MPDZ: variants seen among roughly 807,000 people sequenced by gnomAD.
MPDZ encodes multiple PDZ domain crumbs cell polarity complex component, also known as multiple PDZ domain protein.
In MPDZ, 234 loss-of-function variants were observed where a neutral mutation model predicts 239.1. That is an observed-to-expected ratio of 0.98 (90% CI 0.88 to 1.09). MPDZ has a LOEUF of 1.09. Ranked by LOEUF, MPDZ falls within the 50% of genes least tolerant of loss-of-function variation. The pLI is 0.00. For synonymous variants in MPDZ, 1,048 were observed against 881.3 expected (o/e 1.19, Z -3.35); for missense variants, 3,175 against 2,510.0 (o/e 1.26, Z -5.66).
At chr9:13,144,774 C>T (rs1003452758) in intron 26 of MPDZ, among the ~76,000 whole-genome samples, 1 of 152,092 alleles carries the variant, frequency 6.6e-6, no homozygotes, top group African/African-American at 2.4e-5. Context: ...GACATTTCTG[C>T]TCATCTCAAC....
intron 10 of MPDZ, among the ~76,000 whole-genome samples, chr9:13,207,122 A>G (rs1393265297): frequency 6.6e-6 from 1 of 152,204 alleles, no homozygotes; most frequent in Non-Finnish European, 1.5e-5. Flanking sequence ...TCACAAGGTC[A>G]TATTTATATG....
chr9:13,255,070 T>C (rs1969103310), intron 1 of MPDZ, among the ~76,000 whole-genome samples: 2 of 152,238 alleles, frequency 1.3e-5, no homozygotes, highest in Admixed American at 1.3e-4. Context: ...ACTAAGGTTA[T>C]GTAATAGCCT....
At chr9:13,127,253 T>C (rs1363991806) in intron 32 of MPDZ, among the ~76,000 whole-genome samples, 3 of 152,188 alleles carry the variant, frequency 2.0e-5, no homozygotes, top group Non-Finnish European at 2.9e-5. Context: ...ATGCAGACTC[T>C]GTCCTTTTGG....
At position 13,217,223 on chromosome 9, in the gene MPDZ, T is replaced by A. The variant is rs746048216; in HGVS notation, c.1158A>T (p.Gly386=). 1.2e-6 allele frequency: 2 copies of A among 1,603,840 alleles called. No homozygotes were observed. The highest frequency in any genetic ancestry group is 2.7e-5 in the African/African-American group (2 of 74,582). ...FDVELTKNVQ[G]LGITIAGYIG... is the part of the protein sequence containing the mutation. ...TGTAGCCAGCAATGGTAATTCCTAA[T>A]CCTTGGACATTTTTAGTGAGTTCTA... The change falls in exon 9 of 47, where the codon GGA becomes GGT. Residue 386 remains glycine, a synonymous_variant. Transcript: ENST00000319217.
chr9:13,272,977 T>A (rs1973350703), intron 1 of MPDZ, among the ~76,000 whole-genome samples: 2 of 152,102 alleles, frequency 1.3e-5, no homozygotes, highest in African/African-American at 4.8e-5. Flanking sequence ...GTGGGGTCTT[T>A]GGGAGGCAAT....
chr9:13,115,184 G>C lies in MPDZ; in HGVS notation c.5466+64C>G, dbSNP rs1943192678. ...ACCTTGTACACAGACCCACAGTCAG[G>C]GCCATCTATGTGTCCTCTTGGCATG... is the stretch of plus-strand genomic sequence containing the variant. On this transcript the variant is annotated intron_variant, in intron 40 of 46. Transcript: ENST00000319217. 2.9e-6 allele frequency: 4 copies of C among 1,391,726 alleles called. No homozygotes were observed. The Middle Eastern group carries it at 7.1e-4, about 246-fold the overall frequency. 86.2% of individuals were successfully genotyped at this position (1,391,726 alleles called of 1,614,324 possible).
chr9:13,249,926 A>T (rs954047301), intron 2 of MPDZ, among the ~76,000 whole-genome samples: 2 of 152,220 alleles, frequency 1.3e-5, no homozygotes, highest in African/African-American at 4.8e-5. Flanking sequence ...ACCTGCCAGA[A>T]GTAAAAGTAA....
At position 13,224,419 on chromosome 9, in the gene MPDZ, T is replaced by C. The variant is rs1056107549; in HGVS notation, c.348A>G (p.Lys116=). 1.2e-6 allele frequency: 2 copies of C among 1,612,676 alleles called. No individual in the cohort carries two copies. Among genetic ancestry groups the C allele is most frequent in the African/African-American group, 1.3e-5 (1 of 74,844 alleles). The change falls in exon 4 of 47, where the codon AAA becomes AAG. Residue 116 remains lysine (K), a synonymous_variant. Coordinates refer to ENST00000319217, the MANE Select transcript of MPDZ (RefSeq NM_001378778.1). ...TGPGIPHING[K]PACDEFDQLI... is the part of the protein sequence containing the mutation. ...GCTGATCAAATTCATCACAAGCAGG[T>C]TTCCCATTAATGTGTGGAATACCAG...
intron 18 of MPDZ, among the ~76,000 whole-genome samples, chr9:13,184,537 T>C (rs1419873771): frequency 6.6e-6 from 1 of 151,928 alleles, no homozygotes; most frequent in Non-Finnish European, 1.5e-5. Flanking sequence ...TTTGAAGTGA[T>C]TTTCTCTTCA....
intron 15 of MPDZ, 49 bp downstream of exon 15, chr9:13,192,082 G>A (rs1175777604): frequency 3.5e-6 from 5 of 1,422,628 alleles, no homozygotes; most frequent in Non-Finnish European, 4.6e-6. Context: ...AAGCCATTTA[G>A]CCTTTCCATT....
Position 13,139,837 on chromosome 9 carries a change from A to G in MPDZ, c.4003+150T>C, listed in dbSNP as rs571653644. ...GCCTCAGGAATGTATGCTGTATTCA[A>G]GCAAAACAAACACTATTTCTTTCCA... On this transcript the variant is annotated intron_variant, in intron 28 of 46. Transcript: ENST00000319217. The G allele has an allele frequency of 2.3e-4, 213 of 930,324 alleles. 1 individual carries two copies. The African/African-American group carries it at 2.7e-3, about 12-fold the overall frequency. 57.6% of individuals were successfully genotyped at this position (930,324 alleles called of 1,614,324 possible). A position where few individuals can be genotyped will look rare whatever the true frequency, so the allele number is the denominator to read the frequency against.
chr9:13,107,189 G>C, intron 46 of MPDZ, 78 bp from the exon 47 acceptor site: 1 of 1,443,720 alleles, frequency 6.9e-7, no homozygotes, highest in South Asian at 1.5e-5. Flanking sequence ...GATCTCAACA[G>C]GAATGTAAAT....
chr9:13,277,769 T>C (rs1974574102), intron 1 of MPDZ, among the ~76,000 whole-genome samples: 1 of 152,150 alleles, frequency 6.6e-6, no homozygotes, highest in African/African-American at 2.4e-5. Context: ...TTCACCATGT[T>C]GGCCAGCCTG....
chr9:13,190,939 A>C (rs1344761992), intron 15 of MPDZ, among the ~76,000 whole-genome samples: 1 of 152,158 alleles, frequency 6.6e-6, no homozygotes, highest in African/African-American at 2.4e-5. Context: ...AGTAACATAT[A>C]TAAAGCATCA....
At chr9:13,276,832 A>AACTG (rs1974308215) in intron 1 of MPDZ, 1 of 152,172 alleles carries the variant, frequency 6.6e-6, no homozygotes. Flanking sequence ...ATCTACCTCT[A>AACTG]AGTGAGGATA....
intron 41 of MPDZ, 28 bp downstream of exon 41, chr9:13,113,903 C>T (rs1344092142): frequency 6.5e-7 from 1 of 1,529,306 alleles, no homozygotes; most frequent in East Asian, 2.4e-5. Context: ...AAATTCAAAC[C>T]ATGTTTAAAA....
At position 13,121,784 on chromosome 9, in the gene MPDZ, T is replaced by C; in HGVS notation, c.5186A>G (p.Gln1729Arg). Residue 1729 changes from glutamine to arginine, a missense_variant, in exon 38 of 47, where the codon CAG (glutamine) becomes CGG (arginine). Transcript: ENST00000319217. ...TCCTAGGCCTTTTCCCGGCTTCTTC[T>C]GCAGCTCAATAGTGAGGGTGTCACA... ...EVCDTLTIELQKKPGKGLGLS... is the reference protein window; with the variant it reads ...EVCDTLTIELRKKPGKGLGLS... 6.2e-7 allele frequency: 1 copy of C among 1,614,016 alleles called. No homozygotes were observed. The highest frequency in any genetic ancestry group is 1.1e-5 in the South Asian group (1 of 91,076).
chr9:13,190,984 T>G (rs1250478990), intron 15 of MPDZ, among the ~76,000 whole-genome samples: 2 of 152,094 alleles, frequency 1.3e-5, no homozygotes, highest in Non-Finnish European at 2.9e-5. Flanking sequence ...TAGGTTAATA[T>G]AGGTTAATTC....
intron 22 of MPDZ, chr9:13,165,366 C>T: frequency 6.5e-7 from 1 of 1,549,446 alleles, no homozygotes; most frequent in Non-Finnish European, 8.7e-7. Context: ...CTGATACTCA[C>T]ACATAAAAGG....
Sources: gnomAD v4.1 joint callset for allele counts (sites outside exome capture counted in the v4.1 genomes callset) on GRCh38, gnomAD v4.1.1 for gene constraint, MANE v1.5 for transcripts, NCBI Gene and HGNC (gene_info 2026-07-23, HGNC 2026-07-21) for gene names.